The following PITRM1 variants were observed in gnomAD, a reference collection of about 807,000 sequenced individuals.
The protein encoded by PITRM1 is presequence protease, mitochondrial.
PITRM1 carries 100 observed loss-of-function variants against 129.9 expected under a neutral mutation model. The observed-to-expected ratio is 0.77, with a 90% CI of 0.65 to 0.91. The LOEUF is 0.91. Among genes scored for constraint, PITRM1 ranks in the 40% least tolerant of loss-of-function variants. PITRM1 has a pLI of 0.00. For synonymous variants in PITRM1, 591 were observed against 508.8 expected (o/e 1.16, Z -2.17); for missense variants, 1,471 against 1,318.3 (o/e 1.12, Z -1.79).
In PITRM1 at chr10:3,166,979, T is replaced by G. The variant is rs767590298; in HGVS notation, c.223A>C (p.Arg75=). ...TCTTCTCTGGCCAGGTGTAAATACC[T>G]GGCTCCTGTGTCATCATGGGTGAGC... ...VKLTHDDTGA[R]YLHLAREDTN... The change falls in exon 3 of 27, where the codon AGG becomes CGG. Residue 75 remains arginine, a synonymous_variant. Coordinates refer to ENST00000224949, the MANE Select transcript of PITRM1 (RefSeq NM_014889.4). 77 of 1,611,472 alleles carry G rather than the reference T, an allele frequency of 4.8e-5. No homozygotes were observed. The Middle Eastern group carries it at 1.2e-3, about 24-fold the overall frequency.
chr10:3,153,416 T>G (rs1841690184), intron 14 of PITRM1, among the ~76,000 whole-genome samples: 1 of 152,026 alleles, frequency 6.6e-6, no homozygotes, highest in Non-Finnish European at 1.5e-5. Context: ...AGAGTAAGGT[T>G]AAAAAATAGA....
intron 9 of PITRM1, 36 bp from the exon 10 acceptor site, chr10:3,159,078 A>G (rs1176509002): frequency 1.3e-6 from 2 of 1,582,872 alleles, no homozygotes; most frequent in Admixed American, 3.8e-5. Context: ...GAGGTAAGAA[A>G]AGAGTAAAGG....
chr10:3,164,862 T>A, intron 6 of PITRM1, among the ~76,000 whole-genome samples: 1 of 152,300 alleles, frequency 6.6e-6, no homozygotes, highest in African/African-American at 2.4e-5. Flanking sequence ...GAAGCTGGAC[T>A]CCCCCATTTG....
chr10:3,158,392 G>T (rs527484043), intron 10 of PITRM1, among the ~76,000 whole-genome samples: 1 of 152,086 alleles, frequency 6.6e-6, no homozygotes, highest in Non-Finnish European at 1.5e-5. Flanking sequence ...TCAAAACAGA[G>T]AACTGCTGAG....
chr10:3,144,794 G>A (rs1450377929), intron 21 of PITRM1, among the ~76,000 whole-genome samples: 2 of 152,132 alleles, frequency 1.3e-5, no homozygotes, highest in African/African-American at 4.8e-5. Flanking sequence ...GCCAGAGACA[G>A]ACCCTGTCTC....
intron 18 of PITRM1, 67 bp from the exon 19 acceptor site, chr10:3,147,804 A>G: frequency 7.0e-7 from 1 of 1,425,094 alleles, no homozygotes; most frequent in East Asian, 2.3e-5. Context: ...TATCATGGAA[A>G]GTTGATTAAG....
At chr10:3,172,196 G>C (rs1179659658) in intron 1 of PITRM1, 3 of 456,660 alleles carry the variant, frequency 6.6e-6, no homozygotes, top group Non-Finnish European at 1.3e-5. Flanking sequence ...TATTAAACAC[G>C]GGCTCGTGGA....
At chr10:3,153,574 G>C (rs1020703355) in intron 14 of PITRM1, among the ~76,000 whole-genome samples, 2 of 151,638 alleles carry the variant, frequency 1.3e-5, no homozygotes, top group African/African-American at 4.9e-5. Context: ...AGCCGAGATC[G>C]TGCCACTGCA....
In PITRM1 at chr10:3,165,352, T is replaced by C. The variant is rs1348826501; in HGVS notation, c.534-18A>G. ...CTTCCTGCCTGAGGACAAATCATTA[T>C]AAGCTGATAGTGACTCAAATACTAA... is the stretch of plus-strand genomic sequence containing the variant. On this transcript the variant is annotated intron_variant, in intron 5 of 26. Transcript: ENST00000224949. The C allele has an allele frequency of 1.9e-6, 3 of 1,596,738 alleles. No homozygotes were observed. The highest frequency in any genetic ancestry group is 2.6e-6 in the Non-Finnish European group (3 of 1,171,792).
In PITRM1 at chr10:3,158,080, C is replaced by G; in HGVS notation, c.1210G>C (p.Val404Leu). 6.2e-7 allele frequency: 1 copy of G among 1,611,040 alleles called. No individual in the cohort carries two copies. Among genetic ancestry groups the G allele is most frequent in the Non-Finnish European group, 8.5e-7 (1 of 1,177,270 alleles). The change falls in exon 11 of 27, where the codon GTC becomes CTC. Residue 404 changes from valine to leucine, a missense_variant. Physicochemically the swap from Val to Leu is conservative, Grantham distance 32 (BLOSUM62 1). Coordinates refer to ENST00000224949, the MANE Select transcript of PITRM1 (RefSeq NM_014889.4). ...QGIAEKDIETVRSLIDRTIDE... is the reference protein window; with the variant it reads ...QGIAEKDIETLRSLIDRTIDE... ...ATCGTTCTGTCTATGAGGCTTCTGA[C>G]GGTCTCAATGTCTTTCTCCGCAATC...
chr10:3,163,625 G>A (rs1475280045), intron 7 of PITRM1, 100 bp downstream of exon 7: 4 of 990,990 alleles, frequency 4.0e-6, no homozygotes, highest in East Asian at 5.1e-5. Context: ...TATTTCTTAA[G>A]CATTGCTAAA....
chr10:3,170,031 C>T (rs1236005861), intron 2 of PITRM1, 73 bp downstream of exon 2: 1 of 1,134,028 alleles, frequency 8.8e-7, no homozygotes, highest in East Asian at 2.4e-5. Context: ...CCCTGAAGGG[C>T]TCCGTACATA....
intron 22 of PITRM1, chr10:3,143,835 T>TC: frequency 1.7e-6 from 1 of 579,582 alleles, no homozygotes; most frequent in Non-Finnish European, 3.3e-6. Context: ...TATTTATATT[T>TC]CATATCATAT....
Position 3,145,643 on chromosome 10 carries a change from C to T in PITRM1, c.2410G>A (p.Gly804Ser), listed in dbSNP as rs755990101. Reference sequence around the variant, plus strand: ...GGCCTCCGTTCCTTTTTACTCCGACCGATGCTTCTAAGGAAGTCTTCGACC... The same window carrying T: ...GGCCTCCGTTCCTTTTTACTCCGACTGATGCTTCTAAGGAAGTCTTCGACC... Reference protein sequence around the residue: ...KAVEDFLRSIGRSKKERRPVR... With the variant: ...KAVEDFLRSISRSKKERRPVR... Residue 804 changes from glycine to serine, a missense_variant, in exon 21 of 27, where the codon GGT (glycine) becomes AGT (serine). Coordinates refer to ENST00000224949, the MANE Select transcript of PITRM1 (RefSeq NM_014889.4). 216 of 1,550,174 alleles carry T rather than the reference C, an allele frequency of 1.4e-4. No individual in the cohort carries two copies. The highest frequency in any genetic ancestry group is 2.7e-4 in the East Asian group (11 of 40,984).
Position 3,166,921 on chromosome 10 carries a change from C to T in PITRM1, c.266+15G>A. ...AAAAACATTCAAGACCATGTTCTTA[C>T]AATGCACCACACACCTGAACAGATT... On this transcript the variant is annotated intron_variant, in intron 3 of 26. Coordinates refer to ENST00000224949, the MANE Select transcript of PITRM1 (RefSeq NM_014889.4). The T allele has an allele frequency of 6.9e-7, 1 of 1,450,220 alleles. No homozygotes were observed. Among genetic ancestry groups the T allele is most frequent in the Non-Finnish European group, 9.6e-7 (1 of 1,043,458 alleles). 89.8% of individuals were successfully genotyped at this position (1,450,220 alleles called of 1,614,324 possible). A position where few individuals can be genotyped will look rare whatever the true frequency, so the allele number is the denominator to read the frequency against.
At chr10:3,167,156 G>A in intron 2 of PITRM1, 114 bp from the exon 3 acceptor site, 1 of 630,492 alleles carries the variant, frequency 1.6e-6, no homozygotes, top group Non-Finnish European at 2.8e-6. Flanking sequence ...GATGATGCCG[G>A]GAAGGCAGTA....
At chr10:3,159,693 C>T (rs1021825975) in intron 9 of PITRM1, among the ~76,000 whole-genome samples, 155 bp downstream of exon 9, 4 of 152,186 alleles carry the variant, frequency 2.6e-5, no homozygotes, top group African/African-American at 7.2e-5. Flanking sequence ...TTAAAAACTT[C>T]GACATTTTGT....
At chr10:3,138,757 AG>A (rs1343881380) in intron 25 of PITRM1, 146 bp downstream of exon 25, 2 of 832,412 alleles carry the variant, frequency 2.4e-6, no homozygotes, top group African/African-American at 3.3e-5. Flanking sequence ...AAGCGTGTTT[AG>A]GGTGTCAGAC....
At chr10:3,162,175 AAAAAC>A (rs750592863) in intron 7 of PITRM1, among the ~76,000 whole-genome samples, 5 of 151,766 alleles carry the variant, frequency 3.3e-5, no homozygotes, top group Non-Finnish European at 4.4e-5. Context: ...AAAAAAAAAA[AAAAAC>A]AAGACAGCCT....
Sources: allele counts gnomAD v4.1 joint callset (sites outside exome capture counted in the v4.1 genomes callset), GRCh38; gene constraint gnomAD v4.1.1; transcripts MANE v1.5; gene names NCBI Gene and HGNC (gene_info 2026-07-23, HGNC 2026-07-21).